The following RBMS3 variants were observed in gnomAD, a reference collection of about 807,000 sequenced individuals.
RBMS3 encodes the protein RNA binding motif single stranded interacting protein 3.
RBMS3 carries 27 observed loss-of-function variants against 66.8 expected under a neutral mutation model. The ratio of observed to expected loss-of-function variants is 0.40; its 90% CI spans 0.30 to 0.56. The LOEUF is 0.56. RBMS3 is among the 20% of genes least tolerant of loss of function. RBMS3 has a pLI of 0.40. For synonymous variants in RBMS3, 188 were observed against 183.0 expected (o/e 1.03, Z -0.22); for missense variants, 513 against 549.5 (o/e 0.93, Z 0.66).
At chr3:29,704,087 G>A (rs1196047489) in intron 4 of RBMS3, among the ~76,000 whole-genome samples, 2 of 152,136 alleles carry the variant, frequency 1.3e-5, no homozygotes, top group Non-Finnish European at 2.9e-5. Flanking sequence ...AGGAAAACAA[G>A]CTCAGGGCTC....
At chr3:29,785,684 G>A (rs2056793757) in intron 6 of RBMS3, among the ~76,000 whole-genome samples, 1 of 151,918 alleles carries the variant, frequency 6.6e-6, no homozygotes, top group African/African-American at 2.4e-5. Context: ...GTCATAGAGG[G>A]ACATACCTTA....
At chr3:29,477,260 G>T (rs138037088) in intron 2 of RBMS3, among the ~76,000 whole-genome samples, 5 of 152,254 alleles carry the variant, frequency 3.3e-5, no homozygotes, top group African/African-American at 4.8e-5. Flanking sequence ...AAAAAGCAAT[G>T]TATCTTTATC....
intron 2 of RBMS3, among the ~76,000 whole-genome samples, chr3:29,474,048 AG>A (rs2042861123): frequency 6.6e-6 from 1 of 152,270 alleles, no homozygotes. Context: ...GAGGGCTGCC[AG>A]CACGCTGTCA....
intron 4 of RBMS3, among the ~76,000 whole-genome samples, chr3:29,679,637 C>T (rs890097567): frequency 2.6e-5 from 4 of 151,936 alleles, no homozygotes; most frequent in African/African-American, 9.7e-5. Context: ...CTCTCATTAG[C>T]CGTATTATAT....
chr3:29,379,682 A>G (rs2038668474), intron 1 of RBMS3, among the ~76,000 whole-genome samples: 1 of 152,212 alleles, frequency 6.6e-6, no homozygotes, highest in Non-Finnish European at 1.5e-5. Flanking sequence ...GTGGGAATTC[A>G]AGATGAGATT....
intron 4 of RBMS3, among the ~76,000 whole-genome samples, chr3:29,638,737 C>T (rs919735489): frequency 6.6e-5 from 10 of 151,808 alleles, no homozygotes; most frequent in African/African-American, 1.9e-4. Context: ...CAACACATCC[C>T]GTAATTTCTC....
At chr3:29,682,177 C>T (rs553926251) in intron 4 of RBMS3, among the ~76,000 whole-genome samples, 3 of 152,174 alleles carry the variant, frequency 2.0e-5, no homozygotes, top group Non-Finnish European at 2.9e-5. Flanking sequence ...GTCGGAGTCT[C>T]GCTCTGATGC....
At chr3:29,696,754 G>A (rs17024192) in intron 4 of RBMS3, among the ~76,000 whole-genome samples, 7,758 of 152,104 alleles carry the variant, frequency 0.051, 685 homozygotes, top group African/African-American at 0.18. Context: ...GATGGCGATC[G>A]GGACAAGAGC....
At chr3:29,474,339 C>T (rs1213175326) in intron 2 of RBMS3, among the ~76,000 whole-genome samples, 1 of 152,140 alleles carries the variant, frequency 6.6e-6, no homozygotes, top group Non-Finnish European at 1.5e-5. Context: ...TATTAATAAG[C>T]ATTTGGGTAG....
At chr3:29,989,902 T>G (rs1235877271) in intron 13 of RBMS3, among the ~76,000 whole-genome samples, 1 of 152,236 alleles carries the variant, frequency 6.6e-6, no homozygotes, top group Admixed American at 6.5e-5. Context: ...TTTTCATTTC[T>G]CTGTGTACAC....
intron 1 of RBMS3, among the ~76,000 whole-genome samples, chr3:29,338,761 GTTA>G (rs968751321): frequency 3.8e-5 from 5 of 130,754 alleles, no homozygotes; most frequent in Non-Finnish European, 7.8e-5. Context: ...TAAATAATTT[GTTA>G]TTATTATTAT....
At chr3:29,524,735 C>G (rs1050470250) in intron 3 of RBMS3, among the ~76,000 whole-genome samples, 1 of 151,934 alleles carries the variant, frequency 6.6e-6, no homozygotes, top group African/African-American at 2.4e-5. Flanking sequence ...TGAGCCATCA[C>G]GACCAGCCTA....
At chr3:29,773,852 A>G (rs965999644) in intron 6 of RBMS3, among the ~76,000 whole-genome samples, 1 of 152,006 alleles carries the variant, frequency 6.6e-6, no homozygotes, top group Non-Finnish European at 1.5e-5. Flanking sequence ...GATGTATACT[A>G]TCTCTATAGC....
chr3:29,750,584 G>T (rs974819014), intron 5 of RBMS3, among the ~76,000 whole-genome samples: 1 of 152,112 alleles, frequency 6.6e-6, no homozygotes, highest in African/African-American at 2.4e-5. Flanking sequence ...AGGGGCACAT[G>T]TGCAGGTTCG....
chr3:29,796,005 G>A (rs2057169345), intron 6 of RBMS3, among the ~76,000 whole-genome samples: 1 of 152,180 alleles, frequency 6.6e-6, no homozygotes, highest in South Asian at 2.1e-4. Context: ...AACAAAGGAT[G>A]ACCAGTGTAT....
chr3:29,297,732 GT>G (rs1270515952), intron 1 of RBMS3, among the ~76,000 whole-genome samples: 1 of 151,758 alleles, frequency 6.6e-6, no homozygotes, highest in Non-Finnish European at 1.5e-5. Flanking sequence ...CTCATTTAAG[GT>G]TCCAGGATAC....
intron 12 of RBMS3, among the ~76,000 whole-genome samples, chr3:29,980,268 CT>C (rs1156453001): frequency 3.3e-5 from 5 of 152,156 alleles, no homozygotes; most frequent in African/African-American, 1.2e-4. Context: ...CCTTCACCCA[CT>C]TTTTGATAAG....
intron 1 of RBMS3, among the ~76,000 whole-genome samples, chr3:29,375,187 A>T (rs1172666747): frequency 6.6e-6 from 1 of 152,208 alleles, no homozygotes; most frequent in East Asian, 1.9e-4. Flanking sequence ...CCCCTTCTTT[A>T]TACCATATAG....
intron 3 of RBMS3, among the ~76,000 whole-genome samples, chr3:29,525,752 C>T (rs2045068570): frequency 6.6e-6 from 1 of 152,118 alleles, no homozygotes; most frequent in Non-Finnish European, 1.5e-5. Flanking sequence ...TATTAGCTAG[C>T]AGGGTTCAAT....
Sources: allele counts gnomAD v4.1 joint callset (sites outside exome capture counted in the v4.1 genomes callset), GRCh38; gene constraint gnomAD v4.1.1; transcripts MANE v1.5; gene names NCBI Gene and HGNC (gene_info 2026-07-23, HGNC 2026-07-21).